TH: variants seen among roughly 807,000 people sequenced by gnomAD.
TH encodes the protein tyrosine hydroxylase.
A neutral mutation model predicts 57.4 loss-of-function variants in TH; 49 were observed. That is an observed-to-expected ratio of 0.85 (90% CI 0.68 to 1.08). The LOEUF is 1.08. Ranked by LOEUF, TH falls within the 50% of genes least tolerant of loss-of-function variation. TH has a pLI of 0.00. For synonymous variants in TH, 330 were observed against 304.5 expected (o/e 1.08, Z -0.87); for missense variants, 720 against 696.7 (o/e 1.03, Z -0.38).
chr11:2,166,918 G>A lies in TH; in HGVS notation c.810C>T (p.Pro270=), dbSNP rs1846110224. 1.1e-5 allele frequency: 17 copies of A among 1,604,176 alleles called. No individual in the cohort carries two copies. Among genetic ancestry groups the A allele is most frequent in the Non-Finnish European group, 1.4e-5 (17 of 1,176,476 alleles). Residue 270 remains proline, a synonymous_variant, in exon 7 of 13, where the codon CCC becomes CCT. Transcript: ENST00000352909. ...RFSGYREDNI[P]QLEDVSRFLK... The stretch of plus-strand genomic sequence containing the variant: ...GGAAGCGGGAGACGTCCTCCAGCTG[G>A]GGGATATTGTCTTCCCGGTAGCCGC...
intron 6 of TH, 48 bp from the exon 7 acceptor site, chr11:2,167,080 CGAA>C (rs1846119433): frequency 6.5e-7 from 1 of 1,550,202 alleles, no homozygotes; most frequent in African/African-American, 1.4e-5. Flanking sequence ...CCCCAGTGCC[CGAA>C]ACCCCCCTCC....
Position 2,164,364 on chromosome 11 carries a change from A to G in TH, c.1363T>C (p.Phe455Leu). The G allele has an allele frequency of 6.4e-7, 1 of 1,551,984 alleles. No individual in the cohort carries two copies. Among genetic ancestry groups the G allele is most frequent in the Non-Finnish European group, 8.7e-7 (1 of 1,146,712 alleles). Residue 455 changes from phenylalanine (F) to leucine (L), a missense_variant, in exon 13 of 13, where the codon TTC becomes CTC. By Grantham distance (22) the Phe-to-Leu change is conservative. Coordinates refer to ENST00000352909, the MANE Select transcript of TH (RefSeq NM_000360.4). ...GTGTACGGGTCGAACTTCACGGAGA[A>G]GGGGCGCTGGATGCGTGAGGCATAG... ...RSYASRIQRP[F>L]SVKFDPYTLA... is the part of the protein sequence containing the mutation.
intron 11 of TH, 109 bp downstream of exon 11, chr11:2,165,559 T>G: frequency 7.5e-7 from 1 of 1,339,910 alleles, no homozygotes; most frequent in Non-Finnish European, 1.1e-6. Context: ...AGAGCCTGAG[T>G]CCTGGAGGTC....
chr11:2,170,004 T>A lies in TH; in HGVS notation c.91-133A>T. On this transcript the variant is annotated intron_variant, in intron 1 of 12. Coordinates refer to ENST00000352909, the MANE Select transcript of TH (RefSeq NM_000360.4). The surrounding 1 kb of genome is among the most constrained non-coding windows in gnomAD (Gnocchi z 6.0). ...GGATGAGAGCACGTTTTTGAGCGCC[T>A]ACTGTGTGCCTGCTGGGGCAGATGC... 2 of 934,752 alleles carry A rather than the reference T, an allele frequency of 2.1e-6. No individual in the cohort carries two copies. The highest frequency in any genetic ancestry group is 3.3e-6 in the Non-Finnish European group (2 of 600,602). The allele number at this position is 934,752 out of a possible 1,614,324, so 57.9% of individuals were successfully genotyped here. A position where few individuals can be genotyped will look rare whatever the true frequency, so the allele number is the denominator to read the frequency against.
chr11:2,166,711 A>G lies in TH; in HGVS notation c.899T>C (p.Leu300Pro). The change falls in exon 8 of 13, where the codon CTG (leucine) becomes CCG (proline). Residue 300 changes from leucine to proline, a missense_variant. Physicochemically the swap from Leu to Pro is moderately conservative, Grantham distance 98 (BLOSUM62 -3). Coordinates refer to ENST00000352909, the MANE Select transcript of TH (RefSeq NM_000360.4). ...GAACACGCGGAAGGCCAGGCTGGCC[A>G]GGAAGTCCCGGGCGGACAGCAGGCC... ...VAGLLSARDF[L>P]ASLAFRVFQC... The G allele has an allele frequency of 6.4e-7, 1 of 1,553,004 alleles. No individual in the cohort carries two copies. Among genetic ancestry groups the G allele is most frequent in the Admixed American group, 2.0e-5 (1 of 51,224 alleles).
Position 2,165,222 on chromosome 11 carries a change from C to A in TH, c.1334+10G>T. 1.2e-6 allele frequency: 2 copies of A among 1,612,820 alleles called. No homozygotes were observed. The highest frequency in any genetic ancestry group is 1.7e-6 in the Non-Finnish European group (2 of 1,179,964). On this transcript the variant is annotated intron_variant, in intron 12 of 12. Coordinates refer to ENST00000352909, the MANE Select transcript of TH (RefSeq NM_000360.4). ...CACCATGGGGGGCTTGCCCTAGCAG[C>A]CTAGCCCACCTGAGCTTGTCCTTGG...
At position 2,170,760 on chromosome 11, in the gene TH, C is replaced by G. The variant is rs989049427; in HGVS notation, c.91-889G>C. On this transcript the variant is annotated intron_variant, in intron 1 of 12. Coordinates refer to ENST00000352909, the MANE Select transcript of TH (RefSeq NM_000360.4). The surrounding 1 kb of genome is among the most constrained non-coding windows in gnomAD (Gnocchi z 6.0). ...CCACGGAGAGCCTGTGAGGCTGGGC[C>G]CCGGGGCGCCCTGGGGAGGGGATGC... The G allele has an allele frequency of 7.2e-7, 1 of 1,380,356 alleles. No homozygotes were observed. The highest frequency in any genetic ancestry group is 1.2e-5 in the South Asian group (1 of 84,482). 85.5% of individuals were successfully genotyped at this position (1,380,356 alleles called of 1,614,324 possible).
At position 2,166,782 on chromosome 11, in the gene TH, C is replaced by G. The variant is rs560689972; in HGVS notation, c.842-14G>C. 6.5e-7 allele frequency: 1 copy of G among 1,547,864 alleles called. No individual in the cohort carries two copies. Among genetic ancestry groups the G allele is most frequent in the East Asian group, 2.4e-5 (1 of 40,896 alleles). On this transcript the variant is annotated splice_polypyrimidine_tract_variant and intron_variant, in intron 7 of 12. Transcript: ENST00000352909. ...AGCCCGTGCGCTCTGCAAGGGGCCACGCGGGTCACTGCCGAGCCGGGACGG... is the reference window on the plus strand; with the variant it reads ...AGCCCGTGCGCTCTGCAAGGGGCCAGGCGGGTCACTGCCGAGCCGGGACGG...
intron 12 of TH, 78 bp from the exon 13 acceptor site, chr11:2,164,470 C>G (rs1055909161): frequency 1.3e-6 from 2 of 1,499,862 alleles, no homozygotes; most frequent in African/African-American, 1.4e-5. Context: ...GGCCAGGGGC[C>G]GCGTTTCCAC....
intron 6 of TH, 180 bp downstream of exon 6, chr11:2,167,255 C>A: frequency 1.0e-6 from 1 of 961,338 alleles, no homozygotes. Flanking sequence ...TGGGGATGGC[C>A]CGACAGGATG....
chr11:2,171,552 G>A lies in TH; in HGVS notation c.90+145C>T, dbSNP rs1458350436. The A allele has an allele frequency of 1.2e-6, 1 of 819,158 alleles. No homozygotes were observed. Among genetic ancestry groups the A allele is most frequent in the African/African-American group, 1.7e-5 (1 of 59,296 alleles). The allele number at this position is 819,158 out of a possible 1,614,324, so 50.7% of individuals were successfully genotyped here. Reference sequence around the variant, plus strand: ...GCACAGGGGATGCCGCTGTGCCCAGGCCTCCACATCCACGCCGCGTCCCAG... The same window carrying A: ...GCACAGGGGATGCCGCTGTGCCCAGACCTCCACATCCACGCCGCGTCCCAG... On this transcript the variant is annotated intron_variant, in intron 1 of 12. Transcript: ENST00000352909. The surrounding 1 kb of genome is among the most constrained non-coding windows in gnomAD (Gnocchi z 8.6).
In TH at chr11:2,168,597, G is replaced by A; in HGVS notation, c.381C>T (p.His127=). 1 of 1,611,988 alleles carries A rather than the reference G, an allele frequency of 6.2e-7. No homozygotes were observed. The highest frequency in any genetic ancestry group is 8.5e-7 in the Non-Finnish European group (1 of 1,179,722). Residue 127 remains histidine (H), a synonymous_variant, in exon 3 of 13, where the codon CAC becomes CAT. Coordinates refer to ENST00000352909, the MANE Select transcript of TH (RefSeq NM_000360.4). Reference sequence around the variant, plus strand: ...CCTCGAGGCGCACGAAGTACTCCAGGTGGGGGCCCCCAGCTCGCGGCCTCT... The same window carrying A: ...CCTCGAGGCGCACGAAGTACTCCAGATGGGGGCCCCCAGCTCGCGGCCTCT... ...PAQRPRAGGP[H]LEYFVRLEVR... is the part of the protein sequence containing the mutation.
At chr11:2,164,437 T>C in intron 12 of TH, 45 bp from the exon 13 acceptor site, 1 of 1,538,226 alleles carries the variant, frequency 6.5e-7, no homozygotes, top group South Asian at 1.2e-5. Flanking sequence ...GCGGGCAGAG[T>C]CTGCAGCCTC....
chr11:2,167,248 G>A, intron 6 of TH, 187 bp downstream of exon 6: 1 of 956,388 alleles, frequency 1.0e-6, no homozygotes. Flanking sequence ...AGCACACTGG[G>A]GATGGCCCGA....
At chr11:2,167,672 G>A in intron 5 of TH, 187 bp from the exon 6 acceptor site, 1 of 1,062,318 alleles carries the variant, frequency 9.4e-7, no homozygotes, top group Non-Finnish European at 1.4e-6. Context: ...TCGGCAGGTT[G>A]CTCTAGCCCC....
chr11:2,167,469 G>A lies in TH; in HGVS notation c.661C>T (p.Arg221Cys), dbSNP rs1245249248. ...FQYRHGDPIP[R>C]VEYTAEEIAT... ...ATCTCCTCGGCGGTGTACTCCACAC[G>A]GGGAATCGGGTCGCCGCTGGGGAGG... is the stretch of plus-strand genomic sequence containing the variant. Residue 221 changes from arginine to cysteine, a missense_variant, in exon 6 of 13, where the codon CGT (arginine) becomes TGT (cysteine). Transcript: ENST00000352909. 7 of 1,563,120 alleles carry A rather than the reference G, an allele frequency of 4.5e-6. No homozygotes were observed. The highest frequency in any genetic ancestry group is 3.8e-5 in the Admixed American group (2 of 52,704).
chr11:2,166,189 G>A, intron 9 of TH, 131 bp from the exon 10 acceptor site: 1 of 1,089,340 alleles, frequency 9.2e-7, no homozygotes. Flanking sequence ...ACCTTCCCTG[G>A]CCGCCCAGGA....
At chr11:2,164,502 C>A in intron 12 of TH, 110 bp from the exon 13 acceptor site, 2 of 1,318,930 alleles carry the variant, frequency 1.5e-6, no homozygotes, top group East Asian at 2.7e-5. Context: ...CTCAGAGCTC[C>A]CAGGGCTTTT....
At chr11:2,165,189 T>A in intron 12 of TH, 43 bp downstream of exon 12, 1 of 1,612,170 alleles carries the variant, frequency 6.2e-7, no homozygotes, top group Non-Finnish European at 8.5e-7. Context: ...GCTGGCCCAG[T>A]TTGGGGGCAC....
Sources: gnomAD v4.1 joint callset for allele counts on GRCh38, gnomAD v4.1.1 for gene constraint, Gnocchi (gnomAD v3.1) non-coding constraint, MANE v1.5 for transcripts, NCBI Gene and HGNC (gene_info 2026-07-23, HGNC 2026-07-21) for gene names.